The following GCNT4 variants were observed in gnomAD, a reference collection of about 807,000 sequenced individuals.
GCNT4 encodes the protein beta-1,3-galactosyl-O-glycosyl-glycoprotein beta-1,6-N-acetylglucosaminyltransferase 4.
Under a neutral mutation model 31.3 loss-of-function variants are expected in GCNT4, and 17 were observed. That is an observed-to-expected ratio of 0.54 (90% CI 0.37 to 0.81). The LOEUF is 0.81. Ranked by LOEUF, GCNT4 falls within the 40% of genes least tolerant of loss-of-function variation. GCNT4 has a pLI of 0.00. For missense variants in GCNT4, 503 were observed against 525.5 expected (o/e 0.96, Z 0.42); for synonymous variants, 158 against 190.6 (o/e 0.83, Z 1.41).
At chr5:75,031,249 T>C (rs930447934) in intron 3 of GCNT4, among the ~76,000 whole-genome samples, 13 of 152,226 alleles carry the variant, frequency 8.5e-5, no homozygotes, top group African/African-American at 3.1e-4. Flanking sequence ...TAATTTTTTC[T>C]TTAGTAGGGA....
downstream of GCNT4, among the ~76,000 whole-genome samples, chr5:75,020,978 G>T (rs929982981): frequency 3.3e-5 from 5 of 152,068 alleles, no homozygotes; most frequent in Admixed American, 6.6e-5. Context: ...CATAAGTTTT[G>T]TTTGGTATTC....
At position 75,028,838 on chromosome 5, in the gene GCNT4, C is replaced by A. The variant is rs141799068; in HGVS notation, c.1200G>T (p.Trp400Cys). The A allele has an allele frequency of 6.2e-7, 1 of 1,614,068 alleles. No individual in the cohort carries two copies. Among genetic ancestry groups the A allele is most frequent in the Non-Finnish European group, 8.5e-7 (1 of 1,180,008 alleles). The change falls in exon 4 of 4, where the codon TGG becomes TGT. Residue 400 changes from tryptophan to cysteine, a missense_variant. Coordinates refer to ENST00000652361, the MANE Select transcript of GCNT4 (RefSeq NM_001366737.1). The part of the protein sequence containing the change: ...VCIYGAAELR[W>C]LIKDGHWFAN... Reference sequence around the variant, plus strand: ...CAAACCAATGTCCATCTTTGATAAGCCACCTTAATTCTGCAGCTCCATAAA... The same window carrying A: ...CAAACCAATGTCCATCTTTGATAAGACACCTTAATTCTGCAGCTCCATAAA...
chr5:75,032,925 T>TGTG, intron 3 of GCNT4, among the ~76,000 whole-genome samples: 1 of 106,016 alleles, frequency 9.4e-6, no homozygotes, highest in South Asian at 3.1e-4. Context: ...GTGTGTGTGA[T>TGTG]TAATTCATGG....
rs189426831 is a variant in GCNT4, at chr5:75,041,444, A to G, written c.-2+6453T>C. Among the ~76,000 whole-genome samples the G allele has an allele frequency of 1.2e-3, 181 of 152,366 alleles. 1 individual carries two copies. The highest frequency in any genetic ancestry group is 4.2e-3 in the African/African-American group (173 of 41,590). On this transcript the variant is annotated intron_variant, in intron 3 of 3. Coordinates refer to ENST00000652361, the MANE Select transcript of GCNT4 (RefSeq NM_001366737.1). The stretch of plus-strand genomic sequence containing the variant: ...CATCATCTTCCCTGAATAAAGGACT[A>G]CTTTACCTGCAAGATTTGGAGAATA...
downstream of GCNT4, among the ~76,000 whole-genome samples, chr5:75,022,966 C>T (rs1402665996): frequency 6.6e-6 from 1 of 152,142 alleles, no homozygotes; most frequent in African/African-American, 2.4e-5. Flanking sequence ...CTCAGATGTC[C>T]CACCCAGTGA....
downstream of GCNT4, among the ~76,000 whole-genome samples, chr5:75,024,339 C>A (rs1276781758): frequency 6.6e-6 from 1 of 152,130 alleles, no homozygotes; most frequent in African/African-American, 2.4e-5. Context: ...CTAGAATTAA[C>A]CTTAGGTTGA....
At chr5:75,045,403 G>A (rs1743415532) in intron 3 of GCNT4, among the ~76,000 whole-genome samples, 1 of 152,082 alleles carries the variant, frequency 6.6e-6, no homozygotes, top group African/African-American at 2.4e-5. Flanking sequence ...TATTTGACTG[G>A]CCTATTTTAC....
At chr5:75,034,029 T>C (rs1178795685) in intron 3 of GCNT4, among the ~76,000 whole-genome samples, 2 of 152,252 alleles carry the variant, frequency 1.3e-5, no homozygotes, top group East Asian at 1.9e-4. Flanking sequence ...TTCTTTTTTA[T>C]GGCCGCACAG....
At chr5:75,034,467 G>A (rs1225169759) in intron 3 of GCNT4, among the ~76,000 whole-genome samples, 1 of 152,198 alleles carries the variant, frequency 6.6e-6, no homozygotes, top group Non-Finnish European at 1.5e-5. Context: ...TAAGAGACCA[G>A]GCTAGCAATG....
chr5:75,028,608 G>A lies in GCNT4; in HGVS notation c.*68C>T. The A allele has an allele frequency of 1.4e-6, 2 of 1,402,702 alleles. No homozygotes were observed. Among genetic ancestry groups the A allele is most frequent in the Non-Finnish European group, 2.0e-6 (2 of 1,021,204 alleles). The allele number at this position is 1,402,702 out of a possible 1,614,324, so 86.9% of individuals were successfully genotyped here. On this transcript the variant is annotated 3_prime_UTR_variant, in exon 4 of 4. Coordinates refer to ENST00000652361, the MANE Select transcript of GCNT4 (RefSeq NM_001366737.1). Reference sequence around the variant, plus strand: ...CTGAGTTTAAACAGTATTGGGCATAGTATGGTATTCAATTCCACACTGACT... The same window carrying A: ...CTGAGTTTAAACAGTATTGGGCATAATATGGTATTCAATTCCACACTGACT...
chr5:75,027,661 T>C lies in GCNT4; in HGVS notation c.*1015A>G, dbSNP rs1156877274. ...GAGAAGAAAAAATTTTAAATGACTA[T>C]ACAAATTAATTTAGAAAGCTGTCAT... On this transcript the variant is annotated 3_prime_UTR_variant, in exon 4 of 4. Coordinates refer to ENST00000652361, the MANE Select transcript of GCNT4 (RefSeq NM_001366737.1). 1.3e-5 allele frequency: 2 copies of C among 152,288 alleles called. No homozygotes were observed. The highest frequency in any genetic ancestry group is 2.1e-4 in the South Asian group (1 of 4,828). 9.4% of individuals were successfully genotyped at this position (152,288 alleles called of 1,614,324 possible). A position where few individuals can be genotyped will look rare whatever the true frequency, so the allele number is the denominator to read the frequency against.
intron 2 of GCNT4, among the ~76,000 whole-genome samples, chr5:75,049,589 T>C (rs991314902): frequency 4.6e-5 from 7 of 152,328 alleles, no homozygotes; most frequent in African/African-American, 1.7e-4. Context: ...ATAAATGACA[T>C]GCAAAGTAAT....
At chr5:75,042,959 G>A (rs1346373131) in intron 3 of GCNT4, among the ~76,000 whole-genome samples, 1 of 152,020 alleles carries the variant, frequency 6.6e-6, no homozygotes, top group Non-Finnish European at 1.5e-5. Context: ...GCAGTGCTTG[G>A]GAAAATTCCG....
chr5:75,043,305 G>A (rs1743360597), intron 3 of GCNT4, among the ~76,000 whole-genome samples: 1 of 152,190 alleles, frequency 6.6e-6, no homozygotes, highest in South Asian at 2.1e-4. Flanking sequence ...ATAAAATCCA[G>A]AAACAGATCC....
intron 3 of GCNT4, among the ~76,000 whole-genome samples, chr5:75,032,070 C>T (rs773599899): frequency 3.9e-5 from 6 of 152,082 alleles, no homozygotes; most frequent in Non-Finnish European, 8.8e-5. Flanking sequence ...GAGATCCCAC[C>T]TTCCTCATTC....
the GCNT4 span, among the ~76,000 whole-genome samples, chr5:75,017,727 C>CCGTGCCG: frequency 2.0e-5 from 3 of 152,132 alleles, no homozygotes; most frequent in African/African-American, 7.2e-5. Flanking sequence ...TTTCCCGTGA[C>CCGTGCCG]CATGCCGCAC....
At chr5:75,032,922 T>TGTGTGTGTGA (rs1365905626) in intron 3 of GCNT4, among the ~76,000 whole-genome samples, 9 of 145,906 alleles carry the variant, frequency 6.2e-5, no homozygotes, top group South Asian at 2.2e-4. Context: ...TGTGTGTGTG[T>TGTGTGTGTGA]GATTAATTCA....
intron 2 of GCNT4, among the ~76,000 whole-genome samples, chr5:75,050,488 G>A (rs1163475584): frequency 1.3e-5 from 2 of 151,776 alleles, no homozygotes; most frequent in African/African-American, 2.4e-5. Flanking sequence ...CCACCGCCTC[G>A]CCCCACCCCA....
chr5:75,039,399 T>C (rs1383281389), intron 3 of GCNT4, among the ~76,000 whole-genome samples: 1 of 152,188 alleles, frequency 6.6e-6, no homozygotes, highest in Admixed American at 6.5e-5. Context: ...CGGCCTCTTA[T>C]TGTTCTTACC....
Sources: gnomAD v4.1 joint callset for allele counts (sites outside exome capture counted in the v4.1 genomes callset) on GRCh38, gnomAD v4.1.1 for gene constraint, MANE v1.5 for transcripts, NCBI Gene and HGNC (gene_info 2026-07-23, HGNC 2026-07-21) for gene names.